Variants in ADAM9 observed in about 807,000 individuals in gnomAD.
ADAM9 encodes ADAM metallopeptidase domain 9, also known as disintegrin and metalloproteinase domain-containing protein 9.
Under a neutral mutation model 108.1 loss-of-function variants are expected in ADAM9, and 54 were observed. The observed-to-expected ratio is 0.50, with a 90% CI of 0.40 to 0.63. The LOEUF is 0.63. Among genes scored for constraint, ADAM9 ranks in the 20% least tolerant of loss-of-function variants. The pLI, the probability that ADAM9 is intolerant of heterozygous loss-of-function variation, is 0.00. For synonymous variants in ADAM9, 316 were observed against 336.0 expected, an observed-to-expected ratio of 0.94 and a Z score of 0.65; for missense variants, 830 against 997.7, an observed-to-expected ratio of 0.83 and a Z score of 2.26.
intron 1 of ADAM9, among the ~76,000 whole-genome samples, chr8:38,999,800 G>T (rs981566808): frequency 9.2e-5 from 14 of 152,122 alleles, no homozygotes; most frequent in Non-Finnish European, 1.9e-4. Context: ...GTTTATAATA[G>T]AATTTATTAT....
intron 14 of ADAM9, among the ~76,000 whole-genome samples, chr8:39,059,759 C>T (rs1417945150): frequency 6.6e-6 from 1 of 152,230 alleles, no homozygotes; most frequent in Non-Finnish European, 1.5e-5. Context: ...GGCTGCAGTG[C>T]TACAGTCATC....
At chr8:39,061,956 T>C (rs1030997355) in intron 14 of ADAM9, among the ~76,000 whole-genome samples, 1 of 152,214 alleles carries the variant, frequency 6.6e-6, no homozygotes, top group South Asian at 2.1e-4. Flanking sequence ...CTCAGAGTTC[T>C]GGAGGCTGGG....
At chr8:39,071,919 A>G (rs990634969) in intron 15 of ADAM9, among the ~76,000 whole-genome samples, 3 of 152,186 alleles carry the variant, frequency 2.0e-5, no homozygotes, top group Non-Finnish European at 4.4e-5. Context: ...GACATCAACT[A>G]CAATCTAGTG....
At chr8:39,068,954 G>T (rs200538651) in intron 14 of ADAM9, among the ~76,000 whole-genome samples, 9 of 152,208 alleles carry the variant, frequency 5.9e-5, no homozygotes, top group East Asian at 3.9e-4. Flanking sequence ...CACAAAGATG[G>T]TAGGTGACTT....
intron 7 of ADAM9, 28 bp from the exon 8 acceptor site, chr8:39,021,615 T>C (rs1275534694): frequency 1.3e-6 from 2 of 1,596,274 alleles, no homozygotes; most frequent in Non-Finnish European, 1.7e-6. Flanking sequence ...ACTTTGGTGA[T>C]AATGATTCTC....
intron 1 of ADAM9, among the ~76,000 whole-genome samples, chr8:39,006,778 T>C (rs1588322790): frequency 6.6e-6 from 1 of 152,214 alleles, no homozygotes; most frequent in East Asian, 2.0e-4. Flanking sequence ...GCGGATAGAC[T>C]GAACAGAATT....
chr8:39,082,630 T>G lies in ADAM9; in HGVS notation c.1882-11T>G. ...ATCTTTCTTTACTTAGTTCATTTTT[T>G]TTTTTTTCAGATCTGTAGAAACTTC... On this transcript the variant is annotated splice_polypyrimidine_tract_variant and intron_variant, in intron 16 of 21. Coordinates refer to ENST00000487273, the MANE Select transcript of ADAM9 (RefSeq NM_003816.3). 4 of 1,608,756 alleles carry G rather than the reference T, an allele frequency of 2.5e-6. No individual in the cohort carries two copies. Among genetic ancestry groups the G allele is most frequent in the Non-Finnish European group, 3.4e-6 (4 of 1,176,454 alleles).
intron 14 of ADAM9, among the ~76,000 whole-genome samples, chr8:39,063,206 A>G (rs988683122): frequency 6.6e-6 from 1 of 151,552 alleles, no homozygotes; most frequent in Admixed American, 6.6e-5. Context: ...AGTGTGGTGA[A>G]CCTCCTCATG....
At chr8:39,023,451 C>CT in intron 9 of ADAM9, 126 bp downstream of exon 9, 1 of 963,600 alleles carries the variant, frequency 1.0e-6, no homozygotes, top group Non-Finnish European at 1.5e-6. Flanking sequence ...GAAAACTTAG[C>CT]TTGATGTGGC....
chr8:39,098,174 A>G (rs961447234), intron 20 of ADAM9, among the ~76,000 whole-genome samples: 1 of 151,758 alleles, frequency 6.6e-6, no homozygotes, highest in African/African-American at 2.4e-5. Flanking sequence ...CAATTTAAAC[A>G]TTGTCTGTTA....
intron 9 of ADAM9, among the ~76,000 whole-genome samples, chr8:39,025,284 A>T (rs902114221): frequency 6.6e-6 from 1 of 151,790 alleles, no homozygotes; most frequent in African/African-American, 2.4e-5. Context: ...TTTAGTAGAG[A>T]TGGGGTTTCA....
Position 39,023,151 on chromosome 8 carries a change from C to T in ADAM9, c.745-5C>T. On this transcript the variant is annotated splice_polypyrimidine_tract_variant and splice_region_variant and intron_variant, in intron 8 of 21. Transcript: ENST00000487273. ...TTTTATATACTTTTATTTCTTTCTT[C>T]CCAGATGTATATTATGTTAAATATT... 6.2e-7 allele frequency: 1 copy of T among 1,607,746 alleles called. No homozygotes were observed.
chr8:39,089,838 A>G, intron 18 of ADAM9: 1 of 567,564 alleles, frequency 1.8e-6, no homozygotes, highest in Admixed American at 2.9e-5. Context: ...CTGTAAGGTT[A>G]CAGAAGAAAC....
intron 1 of ADAM9, among the ~76,000 whole-genome samples, chr8:38,997,950 T>C (rs1005073758): frequency 1.3e-5 from 2 of 152,278 alleles, no homozygotes; most frequent in African/African-American, 4.8e-5. Context: ...GTAAGATACT[T>C]GTATTGGAGA....
intron 14 of ADAM9, among the ~76,000 whole-genome samples, chr8:39,065,212 GT>G (rs35814763): frequency 1.2e-4 from 16 of 134,648 alleles, no homozygotes; most frequent in Non-Finnish European, 1.8e-4. Context: ...GTTTTTTTTT[GT>G]TTTTTTTTTT....
intron 11 of ADAM9, among the ~76,000 whole-genome samples, chr8:39,038,307 T>C (rs1837348547): frequency 6.6e-6 from 1 of 152,178 alleles, no homozygotes; most frequent in Non-Finnish European, 1.5e-5. Flanking sequence ...TTGCTGACTG[T>C]ATCTCTCATG....
chr8:39,102,077 A>G, intron 21 of ADAM9, 147 bp downstream of exon 21: 1 of 745,522 alleles, frequency 1.3e-6, no homozygotes, highest in Admixed American at 2.7e-5. Context: ...AAGGTTTTAA[A>G]ATAACTTTAT....
intron 14 of ADAM9, among the ~76,000 whole-genome samples, chr8:39,064,124 A>G (rs1206807525): frequency 1.3e-5 from 2 of 152,210 alleles, no homozygotes; most frequent in Admixed American, 6.5e-5. Flanking sequence ...CATCATATAC[A>G]TAGTTACCCA....
intron 7 of ADAM9, among the ~76,000 whole-genome samples, chr8:39,021,378 G>A (rs905649394): frequency 3.9e-5 from 6 of 152,054 alleles, no homozygotes; most frequent in Admixed American, 3.3e-4. Context: ...CACCCCCACG[G>A]GTTCAAGCGA....
Sources: allele counts gnomAD v4.1 joint callset (sites outside exome capture counted in the v4.1 genomes callset), GRCh38; gene constraint gnomAD v4.1.1; transcripts MANE v1.5; gene names NCBI Gene and HGNC (gene_info 2026-07-23, HGNC 2026-07-21).